The following FRMPD4 variants were observed in gnomAD, a reference collection of about 807,000 sequenced individuals.
The protein encoded by FRMPD4 is FERM and PDZ domain-containing protein 4.
In FRMPD4, 22 loss-of-function variants were observed where a neutral mutation model predicts 94.1. The ratio of observed to expected loss-of-function variants is 0.23; its 90% CI spans 0.17 to 0.33. FRMPD4 has a LOEUF of 0.33. Ranked by LOEUF, FRMPD4 falls within the 10% of genes least tolerant of loss-of-function variation. The pLI is 1.00. For synonymous variants in FRMPD4, 631 were observed against 548.6 expected (o/e 1.15, Z -2.10); for missense variants, 1,111 against 1,339.9 (o/e 0.83, Z 2.67).
intron 3 of FRMPD4, among the ~76,000 whole-genome samples, chrX:11,924,853 C>T (rs893640607): frequency 9.0e-6 from 1 of 111,547 alleles, no homozygotes; most frequent in Non-Finnish European, 1.9e-5. Flanking sequence ...ATAAACAAGT[C>T]TGCAAAATAA....
chrX:12,506,384 G>C (rs2057985646), intron 2 of FRMPD4, among the ~76,000 whole-genome samples: 1 of 111,345 alleles, frequency 9.0e-6, no homozygotes, highest in South Asian at 3.8e-4. Flanking sequence ...CGCGTCCTGG[G>C]TTGAAGAGAT....
At chrX:12,399,109 A>G (rs777456458) in intron 1 of FRMPD4, among the ~76,000 whole-genome samples, 1 of 111,450 alleles carries the variant, frequency 9.0e-6, no homozygotes, top group East Asian at 2.8e-4. Flanking sequence ...CAGCCTCCAC[A>G]TCTCAGTGCA....
At chrX:12,666,094 T>C (rs1418853850) in intron 4 of FRMPD4, among the ~76,000 whole-genome samples, 1 of 62,976 alleles carries the variant, frequency 1.6e-5, no homozygotes, top group Non-Finnish European at 3.1e-5. Flanking sequence ...ACCAAGCAAA[T>C]GGAAAGCAAA....
intron 3 of FRMPD4, among the ~76,000 whole-genome samples, chrX:11,994,715 C>T (rs2054487679): frequency 8.9e-6 from 1 of 111,855 alleles, no homozygotes; most frequent in African/African-American, 3.2e-5. Context: ...TTGTATTTTA[C>T]ATTAGATCTA....
chrX:12,308,530 C>G (rs746799885), intron 1 of FRMPD4, among the ~76,000 whole-genome samples: 5 of 111,455 alleles, frequency 4.5e-5, no homozygotes, highest in South Asian at 3.9e-4. Flanking sequence ...CCCTGCTGTG[C>G]TCCGGGCTTG....
chrX:12,680,138 G>C (rs1304214859), intron 5 of FRMPD4, among the ~76,000 whole-genome samples: 3 of 112,137 alleles, frequency 2.7e-5, no homozygotes, highest in Non-Finnish European at 5.6e-5. Context: ...TAACTTCTAA[G>C]AGCATTCAAA....
At chrX:12,271,302 A>C in intron 1 of FRMPD4, among the ~76,000 whole-genome samples, 1 of 112,364 alleles carries the variant, frequency 8.9e-6, no homozygotes, top group Non-Finnish European at 1.9e-5. Context: ...ACCAACACCC[A>C]GATCAGGAAC....
At chrX:12,609,412 A>G (rs1330212111) in intron 2 of FRMPD4, among the ~76,000 whole-genome samples, 1 of 111,887 alleles carries the variant, frequency 8.9e-6, no homozygotes, top group Non-Finnish European at 1.9e-5. Flanking sequence ...GCAGGGTTGC[A>G]TTTTTAAAAT....
chrX:11,964,116 T>C (rs1417465830), intron 3 of FRMPD4, among the ~76,000 whole-genome samples: 1 of 110,832 alleles, frequency 9.0e-6, no homozygotes, highest in South Asian at 3.9e-4. Flanking sequence ...ACTACTTGAA[T>C]CAGAATCTGA....
At chrX:12,299,746 A>ACTT (rs1448241245) in intron 1 of FRMPD4, among the ~76,000 whole-genome samples, 2 of 111,860 alleles carry the variant, frequency 1.8e-5, no homozygotes, top group Non-Finnish European at 3.8e-5. Context: ...CCCTCTGGGA[A>ACTT]CTTTTAGTTT....
chrX:12,707,151 C>A (rs1244862417), intron 12 of FRMPD4, among the ~76,000 whole-genome samples: 1 of 111,053 alleles, frequency 9.0e-6, no homozygotes, highest in Non-Finnish European at 1.9e-5. Flanking sequence ...CAATGGCCTT[C>A]TTTTAAATCA....
intron 1 of FRMPD4, among the ~76,000 whole-genome samples, chrX:12,262,801 A>G (rs2054212912): frequency 9.0e-6 from 1 of 111,479 alleles, no homozygotes; most frequent in Non-Finnish European, 1.9e-5. Context: ...TCCTTGTGAG[A>G]TTGTATAAGG....
rs1033807177 is a variant in FRMPD4 at position 12,242,841 on chromosome X, A to G, written c.41+103829A>G. ...AGCCTTGATCTCCTGGGCTCAAGCC[A>G]TCCTCCTTCCTCAGCCTCCTGAATA... is the stretch of plus-strand genomic sequence containing the variant. On this transcript the variant is annotated intron_variant, in intron 1 of 16. Transcript: ENST00000675598. Among the ~76,000 whole-genome samples, 3 of 112,586 alleles carry G rather than the reference A, an allele frequency of 2.7e-5. No individual in the cohort carries two copies. In the East Asian group the frequency reaches 8.4e-4, roughly 31 times the overall value.
At chrX:11,847,776 G>T (rs765200137) in intron 1 of FRMPD4, among the ~76,000 whole-genome samples, 1 of 103,772 alleles carries the variant, frequency 9.6e-6, no homozygotes. Context: ...GTAAACTATC[G>T]CAAGAACAAA....
intron 3 of FRMPD4, among the ~76,000 whole-genome samples, chrX:11,993,943 A>G (rs2053063243): frequency 9.0e-6 from 1 of 111,129 alleles, no homozygotes; most frequent in Non-Finnish European, 1.9e-5. Context: ...TTTTTTTTCC[A>G]AAGAGTGATT....
chrX:12,360,977 G>A (rs907725649), intron 1 of FRMPD4, among the ~76,000 whole-genome samples: 1 of 103,031 alleles, frequency 9.7e-6, no homozygotes, highest in Non-Finnish European at 2.0e-5. Context: ...AAAAAAAACG[G>A]TAAGTATTTT....
intron 1 of FRMPD4, among the ~76,000 whole-genome samples, chrX:11,848,940 C>T (rs1001665332): frequency 9.0e-6 from 1 of 111,486 alleles, no homozygotes; most frequent in Admixed American, 9.6e-5. Context: ...TAATATAGTA[C>T]TGGGAGTCCT....
chrX:12,629,594 G>A (rs1365172483), intron 4 of FRMPD4, among the ~76,000 whole-genome samples: 1 of 112,412 alleles, frequency 8.9e-6, no homozygotes, highest in Admixed American at 9.4e-5. Flanking sequence ...AGCGGAGTAA[G>A]AGCACATAGT....
At chrX:12,717,441 CAT>C in intron 15 of FRMPD4, 58 bp from the exon 16 acceptor site, 1 of 769,626 alleles carries the variant, frequency 1.3e-6, no homozygotes, top group East Asian at 3.2e-5. Flanking sequence ...CATTTTCTTA[CAT>C]GTCTCCAAGT....
Sources: gnomAD v4.1 joint callset for allele counts (sites outside exome capture counted in the v4.1 genomes callset) on GRCh38, gnomAD v4.1.1 for gene constraint, MANE v1.5 for transcripts, NCBI Gene and HGNC (gene_info 2026-07-23, HGNC 2026-07-21) for gene names.